Variants in FBXL13 observed in about 807,000 individuals in gnomAD.
The protein encoded by FBXL13 is F-box and leucine rich repeat protein 13.
FBXL13 carries 67 observed loss-of-function variants against 83.6 expected under a neutral mutation model. The observed-to-expected ratio is 0.80, with a 90% CI of 0.66 to 0.98. The LOEUF (loss-of-function observed/expected upper bound fraction) is 0.98, where lower values mean the gene tolerates loss of function less well. Among genes scored for constraint, FBXL13 ranks in the 50% least tolerant of loss-of-function variants. The pLI, the probability that FBXL13 is intolerant of heterozygous loss-of-function variation, is 0.00. For synonymous variants in FBXL13, 272 were observed against 299.5 expected, an observed-to-expected ratio of 0.91 and a Z score of 0.95; for missense variants, 822 against 866.5, an observed-to-expected ratio of 0.95 and a Z score of 0.64.
chr7:102,987,164 G>A (rs923302747), intron 6 of FBXL13, among the ~76,000 whole-genome samples: 6 of 152,072 alleles, frequency 3.9e-5, no homozygotes, highest in Admixed American at 3.3e-4. Context: ...GGGAGAGGGC[G>A]AGAGAGGAGT....
intron 11 of FBXL13, among the ~76,000 whole-genome samples, chr7:102,904,004 C>G (rs1200376308): frequency 2.9e-5 from 4 of 137,438 alleles, no homozygotes; most frequent in Non-Finnish European, 6.1e-5. Context: ...TAATACTGGC[C>G]TCATAGAATT....
intron 14 of FBXL13, among the ~76,000 whole-genome samples, chr7:102,879,359 G>C (rs576827749): frequency 6.6e-6 from 1 of 152,212 alleles, no homozygotes; most frequent in African/African-American, 2.4e-5. Context: ...GCCATAGTAG[G>C]TGGATGCGAT....
rs565725543 is a variant in FBXL13 at position 103,060,294 on chromosome 7, C to A, written c.-104-4547G>T. Among the ~76,000 whole-genome samples, 45 of 151,710 alleles carry A rather than the reference C, an allele frequency of 3.0e-4. 1 individual carries two copies. In the South Asian group the frequency reaches 8.5e-3, roughly 29 times the overall value. On this transcript the variant is annotated intron_variant, in intron 1 of 19. Coordinates refer to ENST00000313221, the Ensembl canonical transcript of FBXL13. ...TCCTGAACTCCTGGCCTTAAGTGAT[C>A]GTCCTTCCTCTCAGCCTCCCAAAGT...
At chr7:102,984,343 T>C (rs1159924915) in intron 6 of FBXL13, among the ~76,000 whole-genome samples, 1 of 152,206 alleles carries the variant, frequency 6.6e-6, no homozygotes, top group Non-Finnish European at 1.5e-5. Context: ...TATATATAAC[T>C]ATCTACCTAT....
At position 102,931,767 on chromosome 7, in the gene FBXL13, T is replaced by A. The variant is rs970804927; in HGVS notation, c.777+114A>T. ...CTTGTCAATGTTTAACATAGTTTGC[T>A]CTTTTCCACATTGAATCCCAAATAA... On this transcript the variant is annotated intron_variant, in intron 9 of 19. Coordinates refer to ENST00000313221, the Ensembl canonical transcript of FBXL13. The A allele has an allele frequency of 1.1e-4, 99 of 934,200 alleles. No homozygotes were observed. In the Middle Eastern group the frequency reaches 5.1e-3, roughly 48 times the overall value. The allele number at this position is 934,200 out of a possible 1,614,324, so 57.9% of individuals were successfully genotyped here.
At chr7:102,927,464 C>A (rs1321126285) in intron 9 of FBXL13, among the ~76,000 whole-genome samples, 1 of 152,188 alleles carries the variant, frequency 6.6e-6, no homozygotes, top group Non-Finnish European at 1.5e-5. Context: ...TCAACAGGAT[C>A]ATTGAGGTTT....
intron 16 of FBXL13, among the ~76,000 whole-genome samples, chr7:102,856,763 G>A (rs748955880): frequency 1.6e-4 from 25 of 152,104 alleles, no homozygotes; most frequent in Non-Finnish European, 2.8e-4. Context: ...TGAGGATGTG[G>A]ACAAACTGGA....
At chr7:102,928,269 TA>T (rs1248936822) in intron 9 of FBXL13, among the ~76,000 whole-genome samples, 1 of 152,160 alleles carries the variant, frequency 6.6e-6, no homozygotes, top group South Asian at 2.1e-4. Flanking sequence ...TCTTAGTACT[TA>T]AAAGAACTCA....
At chr7:103,042,961 T>C (rs1795886285) in intron 2 of FBXL13, among the ~76,000 whole-genome samples, 1 of 152,134 alleles carries the variant, frequency 6.6e-6, no homozygotes, top group South Asian at 2.1e-4. Context: ...AAAGCCAAAA[T>C]AGACACATGA....
chr7:102,820,702 T>C (rs1300197597), intron 19 of FBXL13, among the ~76,000 whole-genome samples: 3 of 152,210 alleles, frequency 2.0e-5, no homozygotes, highest in African/African-American at 7.2e-5. Flanking sequence ...GGAAGTCCAA[T>C]ATCATCCCAT....
At chr7:102,995,624 T>C (rs945608982) in intron 6 of FBXL13, among the ~76,000 whole-genome samples, 4 of 150,080 alleles carry the variant, frequency 2.7e-5, no homozygotes, top group Admixed American at 6.6e-5. Flanking sequence ...CTGTCTCTAC[T>C]AAGAATACAA....
chr7:102,853,980 A>T (rs143740918), intron 17 of FBXL13, among the ~76,000 whole-genome samples: 29,068 of 152,140 alleles, frequency 0.19, 3,039 homozygotes, highest in East Asian at 0.43. Flanking sequence ...TTAGGGATCT[A>T]GAACTAGAAA....
At chr7:102,934,278 G>C in intron 8 of FBXL13, 1 of 1,614,144 alleles carries the variant, frequency 6.2e-7, no homozygotes, top group Non-Finnish European at 8.5e-7. Flanking sequence ...AAAATTGAGA[G>C]TGAGGCGTTC....
Position 102,963,525 on chromosome 7 carries a change from A to G in FBXL13, c.724+8T>C, listed in dbSNP as rs765044639. 24 of 1,609,722 alleles carry G rather than the reference A, an allele frequency of 1.5e-5. No homozygotes were observed. Among genetic ancestry groups the G allele is most frequent in the Non-Finnish European group, 2.0e-5 (24 of 1,179,108 alleles). ...AGCAAGACAAATAGTTGTAATGAAC[A>G]TACTTACTGACAGATCTGAAAGTTT... On this transcript the variant is annotated splice_region_variant and intron_variant, in intron 8 of 19. Transcript: ENST00000313221.
rs1274032453 is a variant in FBXL13, at chr7:103,038,591, GC to G, written c.1-9174del. On this transcript the variant is annotated intron_variant, in intron 2 of 19. Transcript: ENST00000313221. ...TGATAGACACCTCAAACAGGCGGGT[GC>G]CCCTCTGGGACGAAGCTTCCAGAGG... Among the ~76,000 whole-genome samples, 5 of 152,286 alleles carry G rather than the reference GC, an allele frequency of 3.3e-5. No individual in the cohort carries two copies. The South Asian group carries it at 8.3e-4, about 25-fold the overall frequency.
intron 10 of FBXL13, 56 bp from the exon 12 acceptor site, chr7:102,913,271 C>T: frequency 6.2e-7 from 1 of 1,606,638 alleles, no homozygotes; most frequent in Non-Finnish European, 8.5e-7. Flanking sequence ...TCTCTCAAAT[C>T]TTTCTTAAGC....
At chr7:102,874,672 C>T (rs1377126817) in intron 16 of FBXL13, among the ~76,000 whole-genome samples, 1 of 152,134 alleles carries the variant, frequency 6.6e-6, no homozygotes, top group Non-Finnish European at 1.5e-5. Context: ...TCAAGCCATA[C>T]TCCCACCTGT....
intron 10 of FBXL13, among the ~76,000 whole-genome samples, chr7:102,916,062 C>T (rs188211102): frequency 1.3e-5 from 2 of 152,000 alleles, no homozygotes; most frequent in East Asian, 3.9e-4. Flanking sequence ...CGGCTCACTG[C>T]AACCTCCACC....
chr7:103,065,176 A>G (rs1030206156), intron 1 of FBXL13, among the ~76,000 whole-genome samples: 9 of 152,214 alleles, frequency 5.9e-5, no homozygotes, highest in Admixed American at 3.3e-4. Context: ...ATTCTGAAAA[A>G]AAAAGCCTAG....
Sources: allele counts gnomAD v4.1 joint callset (sites outside exome capture counted in the v4.1 genomes callset), GRCh38; gene constraint gnomAD v4.1.1; transcripts MANE v1.5; gene names NCBI Gene and HGNC (gene_info 2026-07-23, HGNC 2026-07-21).